The following HS6ST3 variants were observed in gnomAD, a reference collection of about 807,000 sequenced individuals.
HS6ST3 encodes the protein heparan sulfate 6-O-sulfotransferase 3.
In HS6ST3, 12 loss-of-function variants were observed where a neutral mutation model predicts 36.7. The ratio of observed to expected loss-of-function variants is 0.33; its 90% CI spans 0.21 to 0.53. The LOEUF is 0.53. HS6ST3 is among the 20% of genes least tolerant of loss of function. The pLI is 0.95. For synonymous variants in HS6ST3, 240 were observed against 257.5 expected (o/e 0.93, Z 0.65); for missense variants, 584 against 640.9 (o/e 0.91, Z 0.96).
At chr13:96,659,268 T>G (rs1345774189) in intron 1 of HS6ST3, among the ~76,000 whole-genome samples, 1 of 152,202 alleles carries the variant, frequency 6.6e-6, no homozygotes, top group East Asian at 1.9e-4. Context: ...CACTGGTGAT[T>G]GATTACATTG....
intron 1 of HS6ST3, among the ~76,000 whole-genome samples, chr13:96,364,662 A>C (rs529701884): frequency 6.6e-6 from 1 of 152,302 alleles, no homozygotes; most frequent in Admixed American, 6.5e-5. Context: ...TGGGATGATG[A>C]ACAAGTTCAG....
At chr13:96,323,789 A>G (rs1192558851) in intron 1 of HS6ST3, among the ~76,000 whole-genome samples, 1 of 152,076 alleles carries the variant, frequency 6.6e-6, no homozygotes, top group African/African-American at 2.4e-5. Context: ...ACCATCTTAC[A>G]TGCTATATAT....
chr13:96,243,466 T>C (rs984768873), intron 1 of HS6ST3, among the ~76,000 whole-genome samples: 1 of 152,228 alleles, frequency 6.6e-6, no homozygotes, highest in Non-Finnish European at 1.5e-5. Flanking sequence ...AATGAAACTT[T>C]TTGTTAAACC....
intron 1 of HS6ST3, among the ~76,000 whole-genome samples, chr13:96,369,343 A>G (rs1240880280): frequency 6.6e-6 from 1 of 152,144 alleles, no homozygotes; most frequent in Non-Finnish European, 1.5e-5. Flanking sequence ...ATCAAATCAA[A>G]GGATCACCCC....
At chr13:96,751,777 C>A (rs1450198960) in intron 1 of HS6ST3, among the ~76,000 whole-genome samples, 4 of 151,122 alleles carry the variant, frequency 2.6e-5, no homozygotes, top group Non-Finnish European at 4.4e-5. Context: ...TATATGTGTA[C>A]ATATACATAT....
At chr13:96,337,591 A>T (rs2139424337) in intron 1 of HS6ST3, among the ~76,000 whole-genome samples, 1 of 152,268 alleles carries the variant, frequency 6.6e-6, no homozygotes, top group African/African-American at 2.4e-5. Context: ...TACTTGGAAC[A>T]TTGTAGTTCT....
intron 1 of HS6ST3, among the ~76,000 whole-genome samples, chr13:96,726,907 G>A (rs1215522420): frequency 6.6e-6 from 1 of 151,880 alleles, no homozygotes; most frequent in Non-Finnish European, 1.5e-5. Flanking sequence ...TGCTGCTCAG[G>A]GCTCTGTTTT....
intron 1 of HS6ST3, among the ~76,000 whole-genome samples, chr13:96,730,632 A>G (rs1876127170): frequency 6.6e-6 from 1 of 152,156 alleles, no homozygotes; most frequent in Non-Finnish European, 1.5e-5. Flanking sequence ...CAGTGGCACG[A>G]TCATTGCTCC....
intron 1 of HS6ST3, among the ~76,000 whole-genome samples, chr13:96,498,849 C>A (rs1004867982): frequency 6.6e-6 from 1 of 152,160 alleles, no homozygotes; most frequent in Non-Finnish European, 1.5e-5. Context: ...CCCTGTCATA[C>A]TTCTCCTACC....
At chr13:96,349,693 TA>T (rs1239855405) in intron 1 of HS6ST3, among the ~76,000 whole-genome samples, 16 of 152,216 alleles carry the variant, frequency 1.1e-4, no homozygotes, top group African/African-American at 3.9e-4. Flanking sequence ...GACAAAAATT[TA>T]AACTGCTTTG....
intron 1 of HS6ST3, among the ~76,000 whole-genome samples, chr13:96,416,721 T>C (rs2055534860): frequency 6.6e-6 from 1 of 151,456 alleles, no homozygotes; most frequent in Non-Finnish European, 1.5e-5. Context: ...AGGGCTTGCC[T>C]GCTTGCTTAT....
chr13:96,213,527 A>AT lies in HS6ST3; in HGVS notation c.707+121976dup, dbSNP rs375188560. ...TGGCCGACTGCCTCTGTGTAGGACAATTTTTTTTTTTTTTTTTTAGATGGA... is the reference window on the plus strand; with the variant it reads ...TGGCCGACTGCCTCTGTGTAGGACAATTTTTTTTTTTTTTTTTTTAGATGGA... On this transcript the variant is annotated intron_variant, in intron 1 of 1. Coordinates refer to ENST00000376705, the MANE Select transcript of HS6ST3 (RefSeq NM_153456.4). Among the ~76,000 whole-genome samples, 886 of 145,282 alleles carry AT rather than the reference A, an allele frequency of 6.1e-3. 5 individuals carry two copies. The highest frequency in any genetic ancestry group is 5.9e-3 in the Non-Finnish European group (390 of 65,972).
At chr13:96,358,000 A>G (rs1359553305) in intron 1 of HS6ST3, among the ~76,000 whole-genome samples, 1 of 152,228 alleles carries the variant, frequency 6.6e-6, no homozygotes, top group African/African-American at 2.4e-5. Context: ...TGTTACAAAA[A>G]TGATGCGAAT....
chr13:96,221,101 A>G (rs939883625), intron 1 of HS6ST3, among the ~76,000 whole-genome samples: 1 of 152,130 alleles, frequency 6.6e-6, no homozygotes, highest in Non-Finnish European at 1.5e-5. Context: ...CCCTCCCTCC[A>G]CCATAAAAAC....
At chr13:96,170,750 G>T (rs1169836219) in intron 1 of HS6ST3, among the ~76,000 whole-genome samples, 2 of 152,192 alleles carry the variant, frequency 1.3e-5, no homozygotes, top group Non-Finnish European at 2.9e-5. Context: ...GATAGGCACA[G>T]GAAGTGGTAG....
rs981610434 is a variant in HS6ST3, at chr13:96,583,210, T to C, written c.708-249280T>C. On this transcript the variant is annotated intron_variant, in intron 1 of 1. Coordinates refer to ENST00000376705, the MANE Select transcript of HS6ST3 (RefSeq NM_153456.4). Reference sequence around the variant, plus strand: ...TTCAATTTCTTTTTCTTTTCTTTTTTTTTTTTTTTTTTTTTTTTTTTGAGA... The same window carrying C: ...TTCAATTTCTTTTTCTTTTCTTTTTCTTTTTTTTTTTTTTTTTTTTTGAGA... 7.0e-4 allele frequency among the ~76,000 whole-genome samples: 73 copies of C among 104,362 alleles called. No individual in the cohort carries two copies. The East Asian group carries it at 0.021, about 30-fold the overall frequency. 68.5% of individuals were successfully genotyped at this position (104,362 alleles called of 152,430 possible). A position where few individuals can be genotyped will look rare whatever the true frequency, so the allele number is the denominator to read the frequency against.
chr13:96,234,134 G>T (rs921943831), intron 1 of HS6ST3, among the ~76,000 whole-genome samples: 1 of 151,806 alleles, frequency 6.6e-6, no homozygotes, highest in Non-Finnish European at 1.5e-5. Context: ...AAGAAGCCAG[G>T]CATGGTGGCT....
chr13:96,639,615 GC>G (rs1327600133), intron 1 of HS6ST3, among the ~76,000 whole-genome samples: 1 of 151,888 alleles, frequency 6.6e-6, no homozygotes, highest in Non-Finnish European at 1.5e-5. Context: ...ATTGTGTGGT[GC>G]TGAGGTTTGG....
chr13:96,522,237 T>C (rs1211108977), intron 1 of HS6ST3, among the ~76,000 whole-genome samples: 1 of 152,204 alleles, frequency 6.6e-6, no homozygotes, highest in East Asian at 1.9e-4. Context: ...ATTTCTCTTC[T>C]TTTACATTTG....
Sources: gnomAD v4.1 joint callset for allele counts (sites outside exome capture counted in the v4.1 genomes callset) on GRCh38, gnomAD v4.1.1 for gene constraint, MANE v1.5 for transcripts, NCBI Gene and HGNC (gene_info 2026-07-23, HGNC 2026-07-21) for gene names.